Variants in CASK observed in about 807,000 individuals in gnomAD.
CASK encodes peripheral plasma membrane protein CASK.
A neutral mutation model predicts 82.9 loss-of-function variants in CASK; 4 were observed. The observed-to-expected ratio is 0.05, with a 90% CI of 0.02 to 0.11. The LOEUF (loss-of-function observed/expected upper bound fraction) is 0.11, where lower values mean the gene tolerates loss of function less well. Among genes scored for constraint, CASK ranks in the 10% least tolerant of loss-of-function variants. The probability of loss-of-function intolerance (pLI) is 1.00; values close to 1 mark genes in which losing one functional copy is unlikely to be tolerated. For synonymous variants in CASK, 259 were observed against 253.5 expected (o/e 1.02, Z -0.20); for missense variants, 358 against 720.9 (o/e 0.50, Z 5.76).
intron 16 of CASK, among the ~76,000 whole-genome samples, chrX:41,569,035 A>C (rs960155481): frequency 8.9e-6 from 1 of 111,811 alleles, no homozygotes; most frequent in Admixed American, 9.5e-5. Flanking sequence ...TCCAGTTCTT[A>C]GTGAATTCTC....
At chrX:41,826,257 A>AT (rs2147915328) in intron 2 of CASK, among the ~76,000 whole-genome samples, 1 of 111,925 alleles carries the variant, frequency 8.9e-6, no homozygotes, top group East Asian at 2.8e-4. Flanking sequence ...TCTCTAACCA[A>AT]TAAAATATAG....
At chrX:41,674,561 A>T (rs62587055) in intron 5 of CASK, among the ~76,000 whole-genome samples, 14,937 of 110,606 alleles carry the variant, frequency 0.14, 831 homozygotes, top group Middle Eastern at 0.18. Context: ...ATTTTTTTCT[A>T]ATCAATCTCC....
At chrX:41,521,008 G>A (rs2064629305) in intron 26 of CASK, among the ~76,000 whole-genome samples, 1 of 112,133 alleles carries the variant, frequency 8.9e-6, no homozygotes, top group African/African-American at 3.2e-5. Flanking sequence ...CCCAATTGGC[G>A]AGAGGGCTAC....
intron 2 of CASK, among the ~76,000 whole-genome samples, chrX:41,825,537 T>C (rs761563476): frequency 1.8e-5 from 2 of 112,378 alleles, no homozygotes; most frequent in African/African-American, 6.5e-5. Context: ...AAGTATGTTT[T>C]ATTTCATGAA....
intron 5 of CASK, among the ~76,000 whole-genome samples, chrX:41,690,440 G>A (rs563343773): frequency 2.4e-4 from 26 of 110,013 alleles, no homozygotes; most frequent in Middle Eastern, 4.7e-3. Context: ...TCTGTCTCCC[G>A]GGTTCAAGCA....
chrX:41,897,024 T>C (rs2072281892), intron 1 of CASK, among the ~76,000 whole-genome samples: 1 of 111,804 alleles, frequency 8.9e-6, no homozygotes, highest in Admixed American at 9.5e-5. Context: ...TTTGGTGGAG[T>C]TTTAAGAGTT....
At chrX:41,870,224 A>G (rs1270175332) in intron 1 of CASK, among the ~76,000 whole-genome samples, 1 of 111,878 alleles carries the variant, frequency 8.9e-6, no homozygotes, top group Non-Finnish European at 1.9e-5. Flanking sequence ...CAAAGCAAAA[A>G]CCTGAAAATA....
At chrX:41,842,562 T>C (rs1392113842) in intron 2 of CASK, among the ~76,000 whole-genome samples, 1 of 102,542 alleles carries the variant, frequency 9.8e-6, no homozygotes, top group Non-Finnish European at 2.0e-5. Flanking sequence ...TGAAACTCTG[T>C]CTCCAGGAAA....
chrX:41,676,575 G>GGGCCTGGGCTCT (rs2067270519), intron 5 of CASK: 2 of 791,795 alleles, frequency 2.5e-6, no homozygotes, highest in Non-Finnish European at 3.6e-6. Context: ...CCGCTGGGCC[G>GGGCCTGGGCTCT]GGCCTGGGCT....
At chrX:41,898,729 T>C (rs2072315870) in intron 1 of CASK, among the ~76,000 whole-genome samples, 1 of 111,919 alleles carries the variant, frequency 8.9e-6, no homozygotes, top group Non-Finnish European at 1.9e-5. Flanking sequence ...TTTCCACATA[T>C]TTAGGAATTT....
rs948515045 is a variant in CASK, at chrX:41,517,824, T to C, written c.*2596A>G. 9 of 699,144 alleles carry C rather than the reference T, an allele frequency of 1.3e-5. 1 individual carries two copies. The highest frequency in any genetic ancestry group is 2.4e-5 in the African/African-American group (1 of 41,602). The allele number at this position is 699,144 out of a possible 1,213,427, so 57.6% of individuals were successfully genotyped here. A position where few individuals can be genotyped will look rare whatever the true frequency, so the allele number is the denominator to read the frequency against. On this transcript the variant is annotated 3_prime_UTR_variant, in exon 27 of 27. Transcript: ENST00000378163. ...GCAGCAGCAGCAGCAGCAGCAGCAATGTACTGAAATTACTCTGAATTCAGA... is the reference window on the plus strand; with the variant it reads ...GCAGCAGCAGCAGCAGCAGCAGCAACGTACTGAAATTACTCTGAATTCAGA...
At chrX:41,905,498 C>T (rs1393480099) in intron 1 of CASK, among the ~76,000 whole-genome samples, 1 of 112,753 alleles carries the variant, frequency 8.9e-6, no homozygotes, top group Non-Finnish European at 1.9e-5. Flanking sequence ...AGCACCTTTC[C>T]GTGTATTTAT....
At chrX:41,899,646 T>C (rs1223868277) in intron 1 of CASK, among the ~76,000 whole-genome samples, 2 of 111,764 alleles carry the variant, frequency 1.8e-5, no homozygotes, top group Admixed American at 1.9e-4. Flanking sequence ...TTCAACCACA[T>C]ATAAAAGTAC....
intron 2 of CASK, among the ~76,000 whole-genome samples, chrX:41,800,816 G>C (rs745881538): frequency 5.1e-4 from 57 of 111,400 alleles, no homozygotes; most frequent in African/African-American, 1.8e-3. Context: ...TCCATGAAGG[G>C]ACCCAATTTT....
At chrX:41,840,393 A>C (rs1291744327) in intron 2 of CASK, among the ~76,000 whole-genome samples, 4 of 112,422 alleles carry the variant, frequency 3.6e-5, no homozygotes, top group South Asian at 3.7e-4. Flanking sequence ...GCTGGCATGT[A>C]AGAAAGCGAT....
intron 15 of CASK, among the ~76,000 whole-genome samples, chrX:41,576,617 TTAG>T (rs1408448405): frequency 8.9e-6 from 1 of 112,142 alleles, no homozygotes; most frequent in Non-Finnish European, 1.9e-5. Flanking sequence ...TGATTTGCAC[TTAG>T]TAGGGACTTC....
At chrX:41,908,295 G>C (rs1037898594) in intron 1 of CASK, among the ~76,000 whole-genome samples, 6 of 112,255 alleles carry the variant, frequency 5.3e-5, no homozygotes, top group African/African-American at 1.9e-4. Context: ...AGAATTGCTT[G>C]AACCTGAGAG....
chrX:41,869,812 C>CAAAAAAAAAAAAAAAAAAAAAAA (rs72190097), intron 1 of CASK, among the ~76,000 whole-genome samples: 4 of 12,114 alleles, frequency 3.3e-4, no homozygotes, highest in African/African-American at 4.3e-4. Context: ...GACTCTGTCT[C>CAAAAAAAAAAAAAAAAAAAAAAA]AAAAAAAAAA....
chrX:41,694,072 CTCTG>C (rs2067631849), intron 5 of CASK, among the ~76,000 whole-genome samples: 1 of 111,898 alleles, frequency 8.9e-6, no homozygotes, highest in African/African-American at 3.2e-5. Flanking sequence ...CTAATAGGGT[CTCTG>C]TCTTATTCAC....
Sources: gnomAD v4.1 joint callset for allele counts (sites outside exome capture counted in the v4.1 genomes callset) on GRCh38, gnomAD v4.1.1 for gene constraint, MANE v1.5 for transcripts, NCBI Gene and HGNC (gene_info 2026-07-23, HGNC 2026-07-21) for gene names.